ATRX: variants seen among roughly 807,000 people sequenced by gnomAD.
ATRX encodes chromatin remodeler ATRX.
Under a neutral mutation model 172.6 loss-of-function variants are expected in ATRX, and 12 were observed. The observed-to-expected ratio is 0.07, with a 90% CI of 0.04 to 0.11. The LOEUF (loss-of-function observed/expected upper bound fraction) is 0.11, where lower values mean the gene tolerates loss of function less well. Among genes scored for constraint, ATRX ranks in the 10% least tolerant of loss-of-function variants. ATRX has a pLI of 1.00. For synonymous variants in ATRX, 674 were observed against 594.7 expected (o/e 1.13, Z -1.94); for missense variants, 1,368 against 1,767.4 (o/e 0.77, Z 4.05).
chrX:77,636,928 AGGAG>A (rs1424112955), intron 15 of ATRX, among the ~76,000 whole-genome samples: 5 of 101,904 alleles, frequency 4.9e-5, no homozygotes, highest in Admixed American at 2.1e-4. Context: ...GGAAGAAGGA[AGGAG>A]GAAGGAGAAG....
intron 27 of ATRX, among the ~76,000 whole-genome samples, chrX:77,576,407 T>A (rs2065619361): frequency 9.0e-6 from 1 of 110,823 alleles, no homozygotes; most frequent in South Asian, 3.8e-4. Flanking sequence ...AATACACATA[T>A]ATACTACACA....
chrX:77,605,327 C>T (rs1557089869), intron 22 of ATRX, among the ~76,000 whole-genome samples: 1 of 111,109 alleles, frequency 9.0e-6, no homozygotes, highest in Non-Finnish European at 1.9e-5. Context: ...ACTTGGGAGG[C>T]TGAGGCAGGA....
chrX:77,678,821 T>A (rs2071044500), intron 9 of ATRX, among the ~76,000 whole-genome samples: 2 of 110,981 alleles, frequency 1.8e-5, no homozygotes, highest in Non-Finnish European at 3.8e-5. Context: ...GATTTCTCTA[T>A]GTCTGTCTTG....
intron 12 of ATRX, among the ~76,000 whole-genome samples, chrX:77,661,001 A>G (rs1366612794): frequency 1.8e-5 from 2 of 112,120 alleles, no homozygotes; most frequent in Non-Finnish European, 3.8e-5. Flanking sequence ...CATCAACTAC[A>G]GCAATACCTT....
At position 77,747,307 on chromosome X, in the gene ATRX, T is replaced by C. The variant is rs1354250273; in HGVS notation, c.21-30064A>G. On this transcript the variant is annotated intron_variant, in intron 1 of 34. Coordinates refer to ENST00000373344, the MANE Select transcript of ATRX (RefSeq NM_000489.6). ...GAGAGGCCAAGGCAGGCAGATCACC[T>C]AAGGTCAGGAGATCAGGACCAGCCT... is the stretch of plus-strand genomic sequence containing the variant. Among the ~76,000 whole-genome samples the C allele has an allele frequency of 2.7e-5, 3 of 110,230 alleles. No individual in the cohort carries two copies. In the Admixed American group the frequency reaches 2.9e-4, roughly 11 times the overall value.
intron 22 of ATRX, among the ~76,000 whole-genome samples, chrX:77,608,369 A>G: frequency 1.2e-5 from 1 of 80,733 alleles, no homozygotes; most frequent in East Asian, 3.2e-4. Context: ...ACCCCGTCTC[A>G]AAAAAAAAAA....
At chrX:77,766,910 T>G (rs2075975039) in intron 1 of ATRX, among the ~76,000 whole-genome samples, 1 of 112,371 alleles carries the variant, frequency 8.9e-6, no homozygotes, top group African/African-American at 3.2e-5. Context: ...ATCACGCCAC[T>G]GCACTCCAGC....
chrX:77,731,114 A>T (rs1023103266), intron 1 of ATRX, among the ~76,000 whole-genome samples: 3 of 109,814 alleles, frequency 2.7e-5, no homozygotes, highest in Non-Finnish European at 1.9e-5. Flanking sequence ...AAAAAAGAAG[A>T]TCCAAATATA....
intron 30 of ATRX, among the ~76,000 whole-genome samples, chrX:77,537,581 A>G (rs2063795324): frequency 9.0e-6 from 1 of 111,131 alleles, no homozygotes; most frequent in East Asian, 2.8e-4. Flanking sequence ...ACGCCTGTAG[A>G]TTCAGCAACT....
At chrX:77,778,416 T>TAAA (rs782076675) in intron 1 of ATRX, among the ~76,000 whole-genome samples, 2 of 81,570 alleles carry the variant, frequency 2.5e-5, no homozygotes, top group African/African-American at 9.1e-5. Context: ...CCCTGTCTCT[T>TAAA]AAAAAAAAAA....
intron 27 of ATRX, among the ~76,000 whole-genome samples, chrX:77,576,792 C>T (rs1466628220): frequency 5.4e-5 from 6 of 111,456 alleles, no homozygotes; most frequent in Admixed American, 9.5e-5. Flanking sequence ...ACCCACAGGC[C>T]CTGGCAAACA....
intron 34 of ATRX, among the ~76,000 whole-genome samples, chrX:77,517,854 A>C (rs782573751): frequency 8.9e-6 from 1 of 112,470 alleles, no homozygotes; most frequent in African/African-American, 3.2e-5. Flanking sequence ...AAGGGCTTCA[A>C]GGATGATTTA....
chrX:77,726,301 G>T (rs371458661), intron 1 of ATRX, among the ~76,000 whole-genome samples: 3 of 110,261 alleles, frequency 2.7e-5, no homozygotes, highest in Admixed American at 9.7e-5. Flanking sequence ...CCATAAAAAA[G>T]GATGAGTTCA....
intron 1 of ATRX, among the ~76,000 whole-genome samples, chrX:77,764,912 G>A (rs782614522): frequency 8.8e-4 from 98 of 111,897 alleles, no homozygotes; most frequent in Non-Finnish European, 1.4e-3. Context: ...GGCAGGGTGC[G>A]GTGGCTCATG....
chrX:77,606,757 C>CAAAA (rs782601756), intron 22 of ATRX, among the ~76,000 whole-genome samples: 4 of 66,968 alleles, frequency 6.0e-5, no homozygotes, highest in South Asian at 1.9e-3. Flanking sequence ...CTCATCTCTA[C>CAAAA]AAAAAAAAAA....
chrX:77,579,311 G>A (rs1283158703), intron 27 of ATRX, among the ~76,000 whole-genome samples: 1 of 112,088 alleles, frequency 8.9e-6, no homozygotes, highest in Non-Finnish European at 1.9e-5. Flanking sequence ...CAGTAACCAG[G>A]TAGTGGTTAC....
At chrX:77,588,122 G>T (rs1602671289) in intron 27 of ATRX, among the ~76,000 whole-genome samples, 1 of 112,213 alleles carries the variant, frequency 8.9e-6, no homozygotes, top group African/African-American at 3.2e-5. Context: ...AAACAAACAT[G>T]TGTCTCCATC....
At chrX:77,739,854 A>G (rs2074772987) in intron 1 of ATRX, among the ~76,000 whole-genome samples, 1 of 108,819 alleles carries the variant, frequency 9.2e-6, no homozygotes, top group African/African-American at 3.4e-5. Flanking sequence ...TTTCAAGACC[A>G]GCCTGGCCAA....
chrX:77,654,916 T>C (rs1419536748), intron 13 of ATRX, among the ~76,000 whole-genome samples: 4 of 111,621 alleles, frequency 3.6e-5, no homozygotes, highest in East Asian at 2.8e-4. Flanking sequence ...AACAAATAAA[T>C]TGATAAACAA....
Sources: gnomAD v4.1 joint callset for allele counts (sites outside exome capture counted in the v4.1 genomes callset) on GRCh38, gnomAD v4.1.1 for gene constraint, MANE v1.5 for transcripts, NCBI Gene and HGNC (gene_info 2026-07-23, HGNC 2026-07-21) for gene names.